The following COL25A1 variants were observed in gnomAD, a reference collection of about 807,000 sequenced individuals.
COL25A1 encodes collagen type XXV alpha 1 chain, also known as collagen alpha-1(XXV) chain.
Under a neutral mutation model 128.4 loss-of-function variants are expected in COL25A1, and 103 were observed. The observed-to-expected ratio is 0.80, with a 90% CI of 0.68 to 0.94. COL25A1 has a LOEUF of 0.94. Ranked by LOEUF, COL25A1 falls within the 40% of genes least tolerant of loss-of-function variation. The probability of loss-of-function intolerance (pLI) is 0.00; values close to 1 mark genes in which losing one functional copy is unlikely to be tolerated. For missense variants in COL25A1, 745 were observed against 840.0 expected (o/e 0.89, Z 1.40); for synonymous variants, 279 against 277.2 (o/e 1.01, Z -0.06).
intron 3 of COL25A1, among the ~76,000 whole-genome samples, chr4:109,163,948 C>T (rs1772822465): frequency 6.6e-6 from 1 of 152,108 alleles, no homozygotes; most frequent in Admixed American, 6.6e-5. Flanking sequence ...AACACTTCTG[C>T]TAAGTAATTA....
chr4:108,988,628 T>C (rs1753875031), intron 6 of COL25A1, among the ~76,000 whole-genome samples: 1 of 152,210 alleles, frequency 6.6e-6, no homozygotes, highest in Non-Finnish European at 1.5e-5. Context: ...TCCCTGTGAC[T>C]TCAAAGTTTT....
chr4:109,210,812 T>C (rs1013306024), intron 3 of COL25A1, among the ~76,000 whole-genome samples: 3 of 152,096 alleles, frequency 2.0e-5, no homozygotes, highest in Non-Finnish European at 2.9e-5. Context: ...AAATGTGGTA[T>C]ATATACAGCA....
At chr4:108,978,432 T>C (rs531527509) in intron 6 of COL25A1, among the ~76,000 whole-genome samples, 72 of 152,320 alleles carry the variant, frequency 4.7e-4, no homozygotes, top group African/African-American at 1.3e-3. Flanking sequence ...ACAGATAGTA[T>C]AATATTTCCA....
intron 3 of COL25A1, among the ~76,000 whole-genome samples, chr4:109,122,642 T>G (rs769689818): frequency 6.6e-6 from 1 of 152,234 alleles, no homozygotes; most frequent in East Asian, 1.9e-4. Flanking sequence ...ATTATGGGAC[T>G]GTGATGAATT....
intron 5 of COL25A1, among the ~76,000 whole-genome samples, chr4:109,028,790 GGTGA>G (rs1204861721): frequency 1.2e-4 from 18 of 152,156 alleles, no homozygotes; most frequent in African/African-American, 4.3e-4. Flanking sequence ...AGGGAGGAGT[GGTGA>G]GTAAGGTAGG....
chr4:109,198,949 G>A (rs1236914918), intron 3 of COL25A1, among the ~76,000 whole-genome samples: 5 of 152,140 alleles, frequency 3.3e-5, no homozygotes, highest in Non-Finnish European at 7.3e-5. Flanking sequence ...ATTGGTTACT[G>A]AATCTAAATA....
intron 3 of COL25A1, among the ~76,000 whole-genome samples, chr4:109,185,695 A>G (rs1353744927): frequency 2.0e-5 from 3 of 152,172 alleles, no homozygotes; most frequent in African/African-American, 7.2e-5. Context: ...AAATGAGGTC[A>G]TAAGGGTGTG....
At chr4:109,262,240 G>T (rs1019036809) in intron 3 of COL25A1, among the ~76,000 whole-genome samples, 1 of 151,966 alleles carries the variant, frequency 6.6e-6, no homozygotes, top group Non-Finnish European at 1.5e-5. Context: ...CAGGCCAGGC[G>T]CAGTGGCTCA....
At chr4:109,146,669 T>C (rs1469470096) in intron 3 of COL25A1, among the ~76,000 whole-genome samples, 1 of 152,230 alleles carries the variant, frequency 6.6e-6, no homozygotes, top group Non-Finnish European at 1.5e-5. Context: ...GGATTTAATT[T>C]GTGTCTCTCC....
chr4:109,177,708 C>G (rs1290232445), intron 3 of COL25A1, among the ~76,000 whole-genome samples: 2 of 152,192 alleles, frequency 1.3e-5, no homozygotes, highest in African/African-American at 4.8e-5. Context: ...CAGCTCCATG[C>G]TAATGAGGAT....
intron 21 of COL25A1, 91 bp downstream of exon 21, chr4:108,863,228 T>C: frequency 8.1e-7 from 1 of 1,234,886 alleles, no homozygotes; most frequent in Middle Eastern, 2.1e-4. Context: ...TGGGCTGTTT[T>C]AATACCTGTT....
intron 3 of COL25A1, among the ~76,000 whole-genome samples, chr4:109,145,057 A>G (rs1770792456): frequency 6.7e-6 from 1 of 148,520 alleles, no homozygotes; most frequent in Non-Finnish European, 1.5e-5. Context: ...TTTTTCAACT[A>G]AAACCTCAGC....
intron 18 of COL25A1, among the ~76,000 whole-genome samples, chr4:108,886,809 C>T (rs1740887371): frequency 6.6e-6 from 1 of 151,970 alleles, no homozygotes; most frequent in Admixed American, 6.6e-5. Flanking sequence ...GCTTTTTTCC[C>T]CTTCTTTTCA....
At position 108,945,905 on chromosome 4, in the gene COL25A1, T is replaced by C. The variant is rs1007094119; in HGVS notation, c.493-4468A>G. Among the ~76,000 whole-genome samples the C allele has an allele frequency of 9.8e-5, 15 of 152,310 alleles. No homozygotes were observed. In the East Asian group the frequency reaches 2.9e-3, roughly 29 times the overall value. Reference sequence around the variant, plus strand: ...GTCTCGAACTCCTGACCTCAAGTGATCCGCCCACCTCAGCCTCCCAAAGTG... The same window carrying C: ...GTCTCGAACTCCTGACCTCAAGTGACCCGCCCACCTCAGCCTCCCAAAGTG... On this transcript the variant is annotated intron_variant, in intron 8 of 37. Transcript: ENST00000399132.
At chr4:108,970,927 A>G (rs1035439867) in intron 8 of COL25A1, among the ~76,000 whole-genome samples, 3 of 152,124 alleles carry the variant, frequency 2.0e-5, no homozygotes, top group Non-Finnish European at 4.4e-5. Flanking sequence ...TGTATACCAC[A>G]TTTTTAAAAA....
chr4:109,152,037 C>T (rs2126103391), intron 3 of COL25A1, among the ~76,000 whole-genome samples: 1 of 151,424 alleles, frequency 6.6e-6, no homozygotes, highest in Middle Eastern at 3.4e-3. Flanking sequence ...AGAAGTACAA[C>T]TTCAATTCTT....
intron 3 of COL25A1, among the ~76,000 whole-genome samples, chr4:109,267,106 A>G (rs1781847358): frequency 6.6e-6 from 1 of 152,184 alleles, no homozygotes; most frequent in Admixed American, 6.6e-5. Flanking sequence ...TTTCTCTGGT[A>G]GAGAGGCTAA....
intron 35 of COL25A1, among the ~76,000 whole-genome samples, chr4:108,823,302 T>C (rs1484098502): frequency 1.3e-5 from 2 of 152,212 alleles, no homozygotes; most frequent in East Asian, 1.9e-4. Flanking sequence ...TTGTGTCCAG[T>C]GTAAACAATT....
At chr4:108,881,862 A>T (rs1244742115) in intron 19 of COL25A1, among the ~76,000 whole-genome samples, 3 of 152,226 alleles carry the variant, frequency 2.0e-5, no homozygotes, top group African/African-American at 7.2e-5. Context: ...TTATTAAACC[A>T]AAAATAGAGC....
Sources: gnomAD v4.1 joint callset for allele counts (sites outside exome capture counted in the v4.1 genomes callset) on GRCh38, gnomAD v4.1.1 for gene constraint, MANE v1.5 for transcripts, NCBI Gene and HGNC (gene_info 2026-07-23, HGNC 2026-07-21) for gene names.